Variants in PRPF3 observed in about 807,000 individuals in gnomAD.
PRPF3 encodes the protein U4/U6 small nuclear ribonucleoprotein Prp3.
In PRPF3, 3 loss-of-function variants were observed where a neutral mutation model predicts 89.2. That is an observed-to-expected ratio of 0.03 (90% confidence interval 0.02 to 0.09). The LOEUF is 0.09. Among genes scored for constraint, PRPF3 ranks in the 10% least tolerant of loss-of-function variants. The probability of loss-of-function intolerance (pLI) is 1.00; values close to 1 mark genes in which losing one functional copy is unlikely to be tolerated. For synonymous variants in PRPF3, 270 were observed against 289.1 expected (o/e 0.93, Z 0.67); for missense variants, 463 against 828.8 (o/e 0.56, Z 5.42).
chr1:150,322,007 C>A (rs1655100708), intron 1 of PRPF3, among the ~76,000 whole-genome samples: 1 of 152,050 alleles, frequency 6.6e-6, no homozygotes, highest in African/African-American at 2.4e-5. Context: ...CATTGTACCT[C>A]GCTTTCCTTC....
chr1:150,327,055 ACTT>A (rs1655802703), intron 3 of PRPF3, among the ~76,000 whole-genome samples: 1 of 148,292 alleles, frequency 6.7e-6, no homozygotes, highest in Non-Finnish European at 1.5e-5. Context: ...GATAGGGCAT[ACTT>A]CTTTTTTTTT....
At position 150,346,220 on chromosome 1, in the gene PRPF3, A is replaced by G; in HGVS notation, c.1759+84A>G. ...AGCATTGTGGGGAGAAAGGAGAAAAAGATCGTATTTTAGTGCCATACCTGA... is the reference window on the plus strand; with the variant it reads ...AGCATTGTGGGGAGAAAGGAGAAAAGGATCGTATTTTAGTGCCATACCTGA... On this transcript the variant is annotated intron_variant, in intron 13 of 15. Coordinates refer to ENST00000324862, the MANE Select transcript of PRPF3 (RefSeq NM_004698.4). 12 of 1,382,876 alleles carry G rather than the reference A, an allele frequency of 8.7e-6. 1 individual carries two copies. In the South Asian group the frequency reaches 1.4e-4, roughly 16 times the overall value. The allele number at this position is 1,382,876 out of a possible 1,614,324, so 85.7% of individuals were successfully genotyped here.
At chr1:150,328,980 G>A (rs903040889) in intron 4 of PRPF3, among the ~76,000 whole-genome samples, 1 of 151,282 alleles carries the variant, frequency 6.6e-6, no homozygotes, top group African/African-American at 2.4e-5. Flanking sequence ...GCGTGAGCCA[G>A]CGTGCCTCGC....
At position 150,353,144 on chromosome 1, in the gene PRPF3, G is replaced by C; in HGVS notation, c.*165G>C. The C allele has an allele frequency of 2.3e-6, 2 of 869,904 alleles. No homozygotes were observed. Among genetic ancestry groups the C allele is most frequent in the Non-Finnish European group, 3.8e-6 (2 of 527,542 alleles). 53.9% of individuals were successfully genotyped at this position (869,904 alleles called of 1,614,324 possible). ...CTTGCTCCCCTCCTGAGTCAGCCTG[G>C]TGTTGCCCTTTATTCCCCTTATGTG... On this transcript the variant is annotated 3_prime_UTR_variant, in exon 16 of 16. Coordinates refer to ENST00000324862, the MANE Select transcript of PRPF3 (RefSeq NM_004698.4).
intron 9 of PRPF3, 33 bp downstream of exon 9, chr1:150,340,510 A>G (rs1462561657): frequency 1.3e-6 from 2 of 1,501,670 alleles, no homozygotes; most frequent in African/African-American, 2.8e-5. Context: ...AAGTCTCTAG[A>G]GCAGCATTAC....
Position 150,325,774 on chromosome 1 carries a change from G to T in PRPF3, c.169G>T (p.Asp57Tyr). 1 of 1,613,346 alleles carries T rather than the reference G, an allele frequency of 6.2e-7. No individual in the cohort carries two copies. Among genetic ancestry groups the T allele is most frequent in the South Asian group, 1.1e-5 (1 of 91,004 alleles). ...AGATCATCTGAAACCTTTTCTTGAT[G>T]ATTCTACTCTCCGATTTGTGGACAA... ...AADHLKPFLD[D>Y]STLRFVDKLF... The change falls in exon 3 of 16, where the codon GAT becomes TAT. Residue 57 changes from aspartate to tyrosine, a missense_variant. Coordinates refer to ENST00000324862, the MANE Select transcript of PRPF3 (RefSeq NM_004698.4).
At chr1:150,334,367 T>TTTG (rs202051103) in intron 6 of PRPF3, among the ~76,000 whole-genome samples, 17 of 151,960 alleles carry the variant, frequency 1.1e-4, no homozygotes, top group Non-Finnish European at 1.9e-4. Flanking sequence ...TATTGTCCTT[T>TTTG]TTGTTGTTGT....
At chr1:150,338,680 G>A (rs1196527587) in intron 8 of PRPF3, among the ~76,000 whole-genome samples, 1 of 151,902 alleles carries the variant, frequency 6.6e-6, no homozygotes, top group East Asian at 1.9e-4. Context: ...ATGCCCATCT[G>A]CTTTTTGTAT....
chr1:150,337,040 C>CTTTTTTTTTT (rs35026026), intron 7 of PRPF3, among the ~76,000 whole-genome samples: 1 of 121,260 alleles, frequency 8.2e-6, no homozygotes, highest in Non-Finnish European at 1.6e-5. Flanking sequence ...CATAAAATTC[C>CTTTTTTTTTT]TTTTTTTTTT....
chr1:150,341,847 G>C (rs1300822175), intron 9 of PRPF3, among the ~76,000 whole-genome samples: 4 of 151,512 alleles, frequency 2.6e-5, no homozygotes, highest in Non-Finnish European at 5.9e-5. Flanking sequence ...TGGATTATAG[G>C]TGCCTGCCAC....
At chr1:150,344,906 G>C (rs778525194) in intron 12 of PRPF3, among the ~76,000 whole-genome samples, 2 of 148,422 alleles carry the variant, frequency 1.3e-5, no homozygotes, top group Non-Finnish European at 3.0e-5. Flanking sequence ...TTTTTAAATG[G>C]TCTGAGTTTG....
intron 4 of PRPF3, among the ~76,000 whole-genome samples, chr1:150,330,748 ACT>A (rs1231945882): frequency 2.3e-5 from 3 of 132,700 alleles, no homozygotes; most frequent in Non-Finnish European, 4.8e-5. Flanking sequence ...ACGGAGTCTC[ACT>A]CTGTCGCCCA....
chr1:150,336,175 T>C (rs1399920686), intron 7 of PRPF3, among the ~76,000 whole-genome samples: 1 of 152,138 alleles, frequency 6.6e-6, no homozygotes, highest in Admixed American at 6.6e-5. Context: ...AATGGTCCCA[T>C]TTGGGTGTGA....
intron 9 of PRPF3, among the ~76,000 whole-genome samples, chr1:150,341,400 A>ATTTTTTTT (rs1169772517): frequency 2.0e-5 from 2 of 101,872 alleles, no homozygotes; most frequent in Non-Finnish European, 3.8e-5. Context: ...AGTTGCTTCT[A>ATTTTTTTT]TTTTTTTTTT....
At chr1:150,326,293 GT>G (rs1655700660) in intron 3 of PRPF3, among the ~76,000 whole-genome samples, 1 of 152,026 alleles carries the variant, frequency 6.6e-6, no homozygotes. Flanking sequence ...CTTTGTAGAG[GT>G]TTCTCTGCAA....
At chr1:150,347,330 TAC>T (rs1199999326) in intron 14 of PRPF3, among the ~76,000 whole-genome samples, 15 of 151,526 alleles carry the variant, frequency 9.9e-5, no homozygotes, top group East Asian at 3.9e-4. Context: ...ATACACACAA[TAC>T]ACACACATAC....
At chr1:150,327,629 G>A (rs189691844) in intron 3 of PRPF3, 7 of 985,770 alleles carry the variant, frequency 7.1e-6, no homozygotes, top group Non-Finnish European at 2.4e-6. Context: ...GTGAAGAGGG[G>A]ATGTCACCCA....
intron 12 of PRPF3, among the ~76,000 whole-genome samples, chr1:150,345,225 T>C (rs1658154534): frequency 6.6e-6 from 1 of 152,136 alleles, no homozygotes; most frequent in Admixed American, 6.5e-5. Context: ...TTACTCAAAA[T>C]GTCTCCTTTC....
intron 3 of PRPF3, among the ~76,000 whole-genome samples, chr1:150,326,352 C>A (rs1383378749): frequency 6.6e-6 from 1 of 152,132 alleles, no homozygotes; most frequent in African/African-American, 2.4e-5. Context: ...TTATTATATT[C>A]TTGAGAGCTT....
Sources: gnomAD v4.1 joint callset for allele counts (sites outside exome capture counted in the v4.1 genomes callset) on GRCh38, gnomAD v4.1.1 for gene constraint, MANE v1.5 for transcripts, NCBI Gene and HGNC (gene_info 2026-07-23, HGNC 2026-07-21) for gene names.